The following EML6 variants were observed in gnomAD, a reference collection of about 807,000 sequenced individuals.
The protein encoded by EML6 is echinoderm microtubule-associated protein-like 6.
Under a neutral mutation model 240.1 loss-of-function variants are expected in EML6, and 154 were observed. The observed-to-expected ratio is 0.64, with a 90% CI of 0.56 to 0.73. The LOEUF is 0.73. Among genes scored for constraint, EML6 ranks in the 30% least tolerant of loss-of-function variants. EML6 has a pLI of 0.00. For synonymous variants in EML6, 1,148 were observed against 899.0 expected (o/e 1.28, Z -4.95); for missense variants, 2,964 against 2,474.6 (o/e 1.20, Z -4.20).
At chr2:54,858,960 C>T (rs1045105336) in intron 11 of EML6, among the ~76,000 whole-genome samples, 4 of 152,174 alleles carry the variant, frequency 2.6e-5, no homozygotes, top group African/African-American at 9.7e-5. Context: ...TGCCTTGATG[C>T]CGCTGTGTAC....
At chr2:54,964,243 A>G in intron 37 of EML6, 85 bp downstream of exon 37, 1 of 1,375,376 alleles carries the variant, frequency 7.3e-7, no homozygotes, top group Admixed American at 2.4e-5. Context: ...CGGCTGGAAT[A>G]AAGAACTCAG....
intron 2 of EML6, among the ~76,000 whole-genome samples, chr2:54,764,442 A>G (rs1435725769): frequency 2.0e-5 from 3 of 152,012 alleles, no homozygotes; most frequent in African/African-American, 7.3e-5. Context: ...CATTATCCCT[A>G]TTGCTCGTGA....
chr2:54,725,019 C>A lies in EML6; in HGVS notation c.-43C>A. The A allele has an allele frequency of 6.9e-7, 1 of 1,457,052 alleles. No individual in the cohort carries two copies. Among genetic ancestry groups the A allele is most frequent in the African/African-American group, 1.5e-5 (1 of 67,270 alleles). The allele number at this position is 1,457,052 out of a possible 1,614,324, so 90.3% of individuals were successfully genotyped here. ...CAGCCCCAGCCTCGGCGAGGACGGC[C>A]CCGGCGCGCGGGGGGGCGGGGGGCG... On this transcript the variant is annotated 5_prime_UTR_variant, in exon 2 of 42. Coordinates refer to ENST00000356458, the MANE Select transcript of EML6 (RefSeq NM_001039753.4). The surrounding 1 kb of genome is among the most constrained non-coding windows in gnomAD (Gnocchi z 4.3).
rs907524676 is a variant in EML6, at chr2:54,889,947, G to A, written c.2439-1107G>A. ...AAAGATAATGACACATAGCATGTTT[G>A]GAGAGCCAGCCTATATGTAGTTAGC... On this transcript the variant is annotated intron_variant, in intron 17 of 41. Transcript: ENST00000356458. Among the ~76,000 whole-genome samples, 3 of 152,332 alleles carry A rather than the reference G, an allele frequency of 2.0e-5. No homozygotes were observed. In the East Asian group the frequency reaches 5.8e-4, roughly 29 times the overall value.
chr2:54,895,307 C>T lies in EML6; in HGVS notation c.2889C>T (p.Ala963=), dbSNP rs1233912251. Residue 963 remains alanine, a synonymous_variant, in exon 21 of 42, where the codon GCC becomes GCT. Transcript: ENST00000356458. ...LLLEDNPSIR[A]ITLGHGHILV... ...TGGAAGATAACCCTTCAATTCGTGC[C>T]ATCACTTTGGGACATGGACATATCC... 3 of 1,551,684 alleles carry T rather than the reference C, an allele frequency of 1.9e-6. No individual in the cohort carries two copies. Among genetic ancestry groups the T allele is most frequent in the South Asian group, 2.4e-5 (2 of 84,056 alleles).
chr2:54,937,108 C>T (rs908260395), intron 28 of EML6, among the ~76,000 whole-genome samples: 3 of 151,642 alleles, frequency 2.0e-5, no homozygotes, highest in South Asian at 4.2e-4. Context: ...GGAAAAACCC[C>T]ATCTCTACTA....
chr2:54,794,703 G>T (rs142444709), intron 2 of EML6, among the ~76,000 whole-genome samples: 23 of 152,216 alleles, frequency 1.5e-4, no homozygotes, highest in African/African-American at 5.3e-4. Context: ...GTGCACTCAG[G>T]GATTAACTTT....
In EML6 at chr2:54,895,031, C is replaced by A. The variant is rs912370457; in HGVS notation, c.2854+5C>A. 17 of 1,530,498 alleles carry A rather than the reference C, an allele frequency of 1.1e-5. No homozygotes were observed. In the East Asian group the frequency reaches 4.2e-4, roughly 38 times the overall value. 94.8% of individuals were successfully genotyped at this position (1,530,498 alleles called of 1,614,324 possible). A position where few individuals can be genotyped will look rare whatever the true frequency, so the allele number is the denominator to read the frequency against. Reference sequence around the variant, plus strand: ...CATTGTCGACTAGCTCAAAAGGTGCCACTCCCAAACATGTAATAGAGATCT... The same window carrying A: ...CATTGTCGACTAGCTCAAAAGGTGCAACTCCCAAACATGTAATAGAGATCT... On this transcript the variant is annotated splice_donor_5th_base_variant and intron_variant, in intron 20 of 41. Transcript: ENST00000356458.
chr2:54,863,170 G>A (rs1573023939), intron 12 of EML6, among the ~76,000 whole-genome samples: 1 of 152,330 alleles, frequency 6.6e-6, no homozygotes, highest in Middle Eastern at 3.4e-3. Flanking sequence ...ACACTTGGGT[G>A]GGCATGGTTA....
rs533619105 is a variant in EML6, at chr2:54,937,187, A to G, written c.4004+8436A>G. 5.9e-5 allele frequency among the ~76,000 whole-genome samples: 9 copies of G among 151,988 alleles called. No individual in the cohort carries two copies. The East Asian group carries it at 1.7e-3, about 29-fold the overall frequency. ...CAGCTACTTGAGAGGCTGAGGCAGGAGAATTGCTTAAACCCGGGAGGTGGA... is the reference window on the plus strand; with the variant it reads ...CAGCTACTTGAGAGGCTGAGGCAGGGGAATTGCTTAAACCCGGGAGGTGGA... On this transcript the variant is annotated intron_variant, in intron 28 of 41. Coordinates refer to ENST00000356458, the MANE Select transcript of EML6 (RefSeq NM_001039753.4).
Position 54,869,257 on chromosome 2 carries a change from G to C in EML6, c.2128G>C (p.Ala710Pro). ...AGTAGTCTACCACATTGCTGCAGTT[G>C]CTGTCGTGTATAATCGGCAGCAGCA... ...GEVVYHIAAV[A>P]VVYNRQQHSQ... The change falls in exon 15 of 42, where the codon GCT becomes CCT. Residue 710 changes from alanine (A) to proline (P), a missense_variant. Physicochemically the swap from Ala to Pro is conservative, Grantham distance 27. Transcript: ENST00000356458. 6.4e-7 allele frequency: 1 copy of C among 1,551,656 alleles called. No homozygotes were observed. Among genetic ancestry groups the C allele is most frequent in the Non-Finnish European group, 8.7e-7 (1 of 1,146,822 alleles).
intron 37 of EML6, 142 bp downstream of exon 37, chr2:54,964,300 C>T: frequency 6.1e-6 from 5 of 817,896 alleles, no homozygotes; most frequent in Non-Finnish European, 9.4e-6. Context: ...AGAATACCTT[C>T]TCCCACTCTC....
At chr2:54,964,487 A>G in intron 37 of EML6, 84 bp from the exon 38 acceptor site, 1 of 1,318,178 alleles carries the variant, frequency 7.6e-7, no homozygotes, top group East Asian at 2.5e-5. Flanking sequence ...TAGGCCTGGA[A>G]GGCCTGTCAC....
At chr2:54,808,773 T>C (rs1475038513) in intron 2 of EML6, among the ~76,000 whole-genome samples, 1 of 152,202 alleles carries the variant, frequency 6.6e-6, no homozygotes, top group Admixed American at 6.5e-5. Context: ...TTGATTCTCA[T>C]CTTTTCTTTT....
intron 11 of EML6, among the ~76,000 whole-genome samples, 173 bp downstream of exon 11, chr2:54,854,028 A>C (rs1670236490): frequency 1.3e-5 from 2 of 152,200 alleles, no homozygotes; most frequent in Admixed American, 6.5e-5. Flanking sequence ...TCTACTTTTG[A>C]CATCTTAAGA....
chr2:54,785,955 ATG>A (rs367974035), intron 2 of EML6, among the ~76,000 whole-genome samples: 2 of 150,884 alleles, frequency 1.3e-5, no homozygotes, highest in Admixed American at 6.6e-5. Context: ...ATATATTTGT[ATG>A]TGTGTGTGTG....
At chr2:54,805,335 C>A (rs1232504120) in intron 2 of EML6, among the ~76,000 whole-genome samples, 1 of 152,160 alleles carries the variant, frequency 6.6e-6, no homozygotes, top group Non-Finnish European at 1.5e-5. Context: ...AGTGGAATTG[C>A]TAGATCATAA....
intron 2 of EML6, among the ~76,000 whole-genome samples, chr2:54,735,015 C>T (rs1210110475): frequency 6.6e-6 from 1 of 152,172 alleles, no homozygotes; most frequent in Non-Finnish European, 1.5e-5. Context: ...TTGCAGTTCC[C>T]TGAATCTGGC....
intron 6 of EML6, among the ~76,000 whole-genome samples, chr2:54,828,111 G>A (rs1252607876): frequency 1.3e-5 from 2 of 152,186 alleles, no homozygotes; most frequent in Non-Finnish European, 2.9e-5. Context: ...ATAGGTCTGC[G>A]ATGAAGTCGC....
Sources: gnomAD v4.1 joint callset for allele counts (sites outside exome capture counted in the v4.1 genomes callset) on GRCh38, gnomAD v4.1.1 for gene constraint, Gnocchi (gnomAD v3.1) non-coding constraint, MANE v1.5 for transcripts, NCBI Gene and HGNC (gene_info 2026-07-23, HGNC 2026-07-21) for gene names.